Variants in IGSF11 observed in about 807,000 individuals in gnomAD.
IGSF11 encodes the protein immunoglobulin superfamily member 11.
In IGSF11, 22 loss-of-function variants were observed where a neutral mutation model predicts 41.0. The ratio of observed to expected loss-of-function variants is 0.54; its 90% confidence interval spans 0.38 to 0.77. The LOEUF is 0.77. Ranked by LOEUF, IGSF11 falls within the 30% of genes least tolerant of loss-of-function variation. IGSF11 has a pLI of 0.00. For missense variants in IGSF11, 444 were observed against 530.8 expected (o/e 0.84, Z 1.61); for synonymous variants, 219 against 201.3 (o/e 1.09, Z -0.74).
chr3:118,940,330 A>C (rs554028977), intron 1 of IGSF11, among the ~76,000 whole-genome samples: 7 of 152,330 alleles, frequency 4.6e-5, no homozygotes, highest in Non-Finnish European at 1.0e-4. Flanking sequence ...GAGTTTAGCA[A>C]GGTTTCAGAA....
At chr3:119,009,016 A>G (rs1559785343) in intron 1 of IGSF11, among the ~76,000 whole-genome samples, 1 of 152,300 alleles carries the variant, frequency 6.6e-6, no homozygotes, top group South Asian at 2.1e-4. Context: ...GCCTCCATAT[A>G]CACAGAAGCC....
intron 1 of IGSF11, among the ~76,000 whole-genome samples, chr3:119,067,125 C>T (rs1942257063): frequency 6.6e-6 from 1 of 152,056 alleles, no homozygotes; most frequent in Non-Finnish European, 1.5e-5. Flanking sequence ...TGCTAAGCTC[C>T]ATGTATTTAA....
intron 1 of IGSF11, among the ~76,000 whole-genome samples, chr3:119,094,213 C>G: frequency 3.5e-5 from 1 of 28,334 alleles, no homozygotes; most frequent in Non-Finnish European, 7.5e-5. Flanking sequence ...AGAAGGACTA[C>G]ATAGCGAAGT....
chr3:118,941,895 T>TA (rs926258298), intron 1 of IGSF11, among the ~76,000 whole-genome samples: 8 of 151,536 alleles, frequency 5.3e-5, no homozygotes, highest in South Asian at 2.1e-4. Context: ...ATGTATCCAT[T>TA]AAAAAAAAAT....
chr3:119,093,088 GT>G (rs1559863061), intron 1 of IGSF11, among the ~76,000 whole-genome samples: 1 of 152,076 alleles, frequency 6.6e-6, no homozygotes, highest in African/African-American at 2.4e-5. Flanking sequence ...ACACATGATT[GT>G]ATATTAAGAT....
chr3:118,921,750 A>G (rs1364702566), intron 4 of IGSF11, among the ~76,000 whole-genome samples: 1 of 152,138 alleles, frequency 6.6e-6, no homozygotes, highest in African/African-American at 2.4e-5. Context: ...TTCTATGAAC[A>G]TCTTGATGGT....
intron 1 of IGSF11, among the ~76,000 whole-genome samples, chr3:119,043,763 G>A (rs568096507): frequency 1.8e-4 from 28 of 152,224 alleles, no homozygotes; most frequent in African/African-American, 5.8e-4. Context: ...AATACCAGAC[G>A]GGAGCCCAGT....
chr3:118,902,469 G>C lies in IGSF11; in HGVS notation c.*51C>G. 1 of 402,838 alleles carries C rather than the reference G, an allele frequency of 2.5e-6. No individual in the cohort carries two copies. Among genetic ancestry groups the C allele is most frequent in the Non-Finnish European group, 4.6e-6 (1 of 215,204 alleles). 25.0% of individuals were successfully genotyped at this position (402,838 alleles called of 1,614,324 possible). On this transcript the variant is annotated 3_prime_UTR_variant, in exon 7 of 7. Coordinates refer to ENST00000393775, the MANE Select transcript of IGSF11 (RefSeq NM_001015887.3). ...CACTCCCCACCCCACCCTCCCCCTT[G>C]TATGAGGGCATTCCATTTATTCATT...
Position 119,145,173 on chromosome 3 carries a change from G to C in IGSF11, c.-14+640C>G, listed in dbSNP as rs540475449. Among the ~76,000 whole-genome samples the C allele has an allele frequency of 1.1e-4, 17 of 152,198 alleles. No homozygotes were observed. The East Asian group carries it at 3.3e-3, about 29-fold the overall frequency. On this transcript the variant is annotated intron_variant, in intron 1 of 7. Coordinates refer to the IGSF11 transcript ENST00000425327. ...TCCTTTGTCACAAGTATTTGAATTT[G>C]GATTTTAAGTCTCATTTCTAATTGT...
At chr3:118,973,995 C>A (rs1488962525) in intron 1 of IGSF11, among the ~76,000 whole-genome samples, 1 of 151,964 alleles carries the variant, frequency 6.6e-6, no homozygotes, top group African/African-American at 2.4e-5. Context: ...AGCTATTGCA[C>A]GTGGGGCTTA....
intron 1 of IGSF11, among the ~76,000 whole-genome samples, chr3:118,936,506 CAAA>C (rs1218247191): frequency 0.025 from 2,456 of 96,890 alleles, 64 homozygotes; most frequent in African/African-American, 0.074. Context: ...GATTTCATCT[CAAA>C]AAAAAAAAAA....
intron 1 of IGSF11, among the ~76,000 whole-genome samples, chr3:119,071,246 A>G (rs1206727408): frequency 6.6e-6 from 1 of 152,186 alleles, no homozygotes; most frequent in Non-Finnish European, 1.5e-5. Flanking sequence ...CTACTCACAT[A>G]ATTTGTAATT....
chr3:119,106,722 T>A (rs557675612), upstream of IGSF11, among the ~76,000 whole-genome samples: 2 of 152,252 alleles, frequency 1.3e-5, no homozygotes, highest in Admixed American at 1.3e-4. Context: ...TATCTCCTAA[T>A]GCTATCCCTC....
In IGSF11 at chr3:118,935,349, T is replaced by C. The variant is rs111459479; in HGVS notation, c.53-5074A>G. Among the ~76,000 whole-genome samples the C allele has an allele frequency of 8.8e-4, 123 of 140,282 alleles. 2 individuals carry two copies. The highest frequency in any genetic ancestry group is 7.3e-3 in the Middle Eastern group (2 of 274). The allele number at this position is 140,282 out of a possible 152,430, so 92.0% of individuals were successfully genotyped here. ...ATACACCCTGAGATATATATATATA[T>C]ACATGTATATACACCCTGAGATATA... is the stretch of plus-strand genomic sequence containing the variant. On this transcript the variant is annotated intron_variant, in intron 1 of 6. Transcript: ENST00000393775.
chr3:119,092,903 G>C (rs994577801), intron 1 of IGSF11, among the ~76,000 whole-genome samples: 2 of 152,142 alleles, frequency 1.3e-5, no homozygotes, highest in Non-Finnish European at 2.9e-5. Context: ...TGTAGCATAG[G>C]AGCAATAGGC....
At chr3:119,011,321 G>A (rs965627456) in intron 1 of IGSF11, among the ~76,000 whole-genome samples, 3 of 152,226 alleles carry the variant, frequency 2.0e-5, no homozygotes, top group Non-Finnish European at 4.4e-5. Flanking sequence ...CAGAGCCCCC[G>A]GATAGTGAGG....
rs1936085106 is a variant in IGSF11 at position 118,994,507 on chromosome 3, A to T, written c.52+40024T>A. On this transcript the variant is annotated intron_variant, in intron 1 of 6. Coordinates refer to ENST00000393775, the MANE Select transcript of IGSF11 (RefSeq NM_001015887.3). ...CCTCATCTCTACCAGAAATAAACAA[A>T]ATTAGCCAGGTGTGGTGGCACACAA... 2.0e-5 allele frequency among the ~76,000 whole-genome samples: 3 copies of T among 152,082 alleles called. No individual in the cohort carries two copies. In the South Asian group the frequency reaches 6.2e-4, roughly 31 times the overall value.
intron 1 of IGSF11, among the ~76,000 whole-genome samples, chr3:118,974,693 C>T (rs1425205235): frequency 6.6e-6 from 1 of 152,152 alleles, no homozygotes; most frequent in Non-Finnish European, 1.5e-5. Context: ...CCTTTAAATT[C>T]TCCTTCCTCC....
intron 1 of IGSF11, among the ~76,000 whole-genome samples, chr3:119,071,628 A>G (rs1350817660): frequency 6.6e-6 from 1 of 152,030 alleles, no homozygotes; most frequent in Non-Finnish European, 1.5e-5. Flanking sequence ...AAATAAATTG[A>G]CCATATATAT....
Sources: allele counts gnomAD v4.1 joint callset (sites outside exome capture counted in the v4.1 genomes callset), GRCh38; gene constraint gnomAD v4.1.1; transcripts MANE v1.5; gene names NCBI Gene and HGNC (gene_info 2026-07-23, HGNC 2026-07-21).